The following ZNF525 variants were observed in gnomAD, a reference collection of about 807,000 sequenced individuals.
ZNF525 encodes the protein zinc finger protein 525.
In ZNF525, 33 loss-of-function variants were observed where a neutral mutation model predicts 37.6. The ratio of observed to expected loss-of-function variants is 0.88; its 90% confidence interval spans 0.67 to 1.17. The LOEUF is 1.17. ZNF525 is among the 50% of genes most tolerant of loss of function. The probability of loss-of-function intolerance (pLI) is 0.00; values close to 1 mark genes in which losing one functional copy is unlikely to be tolerated. For synonymous variants in ZNF525, 170 were observed against 182.3 expected (o/e 0.93, Z 0.54); for missense variants, 449 against 543.1 (o/e 0.83, Z 1.72).
At position 53,376,552 on chromosome 19, in the gene ZNF525, C is replaced by G. The variant is rs556297991; in HGVS notation, c.142+656C>G. The G allele has an allele frequency of 2.0e-4, 108 of 543,418 alleles. 1 individual carries two copies. The highest frequency in any genetic ancestry group is 1.9e-3 in the African/African-American group (98 of 51,274). The allele number at this position is 543,418 out of a possible 1,614,324, so 33.7% of individuals were successfully genotyped here. A position where few individuals can be genotyped will look rare whatever the true frequency, so the allele number is the denominator to read the frequency against. On this transcript the variant is annotated intron_variant, in intron 3 of 3. Transcript: ENST00000474037. ...GTTTAATTGCTTTTCTGTGTAGACA[C>G]GCTTTGACTCCTTTCTTCTTTACTT...
rs1380129306 is a variant in ZNF525 at position 53,383,016 on chromosome 19, G to A, written c.*997G>A. ...AATGAATGTGGCAAGGTTTTTAATC[G>A]CAAAGCAAAGCTTGCATGTCATCAT... On this transcript the variant is annotated 3_prime_UTR_variant, in exon 4 of 4. Transcript: ENST00000474037. The A allele has an allele frequency of 2.0e-5, 29 of 1,480,918 alleles. No homozygotes were observed. The highest frequency in any genetic ancestry group is 7.1e-5 in the East Asian group (3 of 42,396). 91.7% of individuals were successfully genotyped at this position (1,480,918 alleles called of 1,614,324 possible).
intron 3 of ZNF525, 30 bp downstream of exon 3, chr19:53,375,926 A>T: frequency 6.2e-7 from 1 of 1,612,768 alleles, no homozygotes; most frequent in Non-Finnish European, 8.5e-7. Context: ...AGAAGTGGGG[A>T]TGTGTCCTTT....
intron 3 of ZNF525, among the ~76,000 whole-genome samples, chr19:53,380,347 C>T (rs889886318): frequency 2.6e-5 from 4 of 152,042 alleles, no homozygotes; most frequent in African/African-American, 9.7e-5. Flanking sequence ...CATGAGCTTG[C>T]TGTGGATTAT....
In ZNF525 at chr19:53,382,089, T is replaced by C; in HGVS notation, c.*70T>C. Reference sequence around the variant, plus strand: ...TAAGTGTAATGATTGTGGCAAGATCTTCAGTCATACGTCATCCATTGTATA... The same window carrying C: ...TAAGTGTAATGATTGTGGCAAGATCCTCAGTCATACGTCATCCATTGTATA... On this transcript the variant is annotated 3_prime_UTR_variant, in exon 4 of 4. Transcript: ENST00000474037. 6.6e-7 allele frequency: 1 copy of C among 1,506,844 alleles called. No individual in the cohort carries two copies. The highest frequency in any genetic ancestry group is 9.1e-7 in the Non-Finnish European group (1 of 1,093,030). 93.3% of individuals were successfully genotyped at this position (1,506,844 alleles called of 1,614,324 possible).
At chr19:53,372,110 G>C (rs541830897) in intron 1 of ZNF525, 105 bp from the exon 2 acceptor site, 1 of 496,896 alleles carries the variant, frequency 2.0e-6, no homozygotes, top group Admixed American at 3.3e-5. Context: ...GGCAGTAGAG[G>C]GGACTGTATT....
chr19:53,369,776 G>A (rs1403478847), intron 1 of ZNF525, among the ~76,000 whole-genome samples: 2 of 122,470 alleles, frequency 1.6e-5, no homozygotes, highest in Non-Finnish European at 3.3e-5. Context: ...CCAGGCTGGA[G>A]TGCAGTGGCG....
intron 1 of ZNF525, among the ~76,000 whole-genome samples, chr19:53,366,095 C>T (rs1347154754): frequency 6.6e-6 from 1 of 152,208 alleles, no homozygotes; most frequent in African/African-American, 2.4e-5. Flanking sequence ...CGCCTCCCAG[C>T]CTCGCCCTCG....
chr19:53,365,996 C>T (rs990599104), intron 1 of ZNF525, among the ~76,000 whole-genome samples: 3 of 152,180 alleles, frequency 2.0e-5, no homozygotes, highest in African/African-American at 7.2e-5. Flanking sequence ...CTTTCTATCG[C>T]GTAGTTTTCC....
chr19:53,380,839 TC>T lies in ZNF525; in HGVS notation c.262del (p.Gln88ArgfsTer26), dbSNP rs1465692847. The T allele has an allele frequency of 1.4e-6, 2 of 1,446,708 alleles. No individual in the cohort carries two copies. The allele number at this position is 1,446,708 out of a possible 1,614,324, so 89.6% of individuals were successfully genotyped here. The stretch of plus-strand genomic sequence containing the variant: ...CGTCATCACATTGGAGATTTTTCCT[TC>T]CAGGAAATTGAGAAAGATATTCATA... The part of the protein sequence containing the change: ...HERHHIGDFS[F>X]QEIEKDIHNF... On this transcript the variant is annotated frameshift_variant, in exon 4 of 4. Transcript: ENST00000474037. LOFTEE classifies it high-confidence loss of function.
rs1222794059 is a variant in ZNF525, at chr19:53,381,816, T to C, written c.1237T>C (p.Cys413Arg). The C allele has an allele frequency of 1.9e-6, 2 of 1,056,704 alleles. No homozygotes were observed. Among genetic ancestry groups the C allele is most frequent in the Admixed American group, 3.4e-5 (2 of 59,318 alleles). The allele number at this position is 1,056,704 out of a possible 1,614,324, so 65.5% of individuals were successfully genotyped here. ...TCATACTGGAGAGAAACCTTACAAG[T>C]GTGAAGAATGTGATGAAGCTTTCCG... ...RLHTGEKPYK[C>R]EECDEAFRFK... Residue 413 changes from cysteine to arginine, a missense_variant, in exon 4 of 4, where the codon TGT becomes CGT. By Grantham distance (180) the Cys-to-Arg change is radical. Around this residue, in one of 2 missense-constraint regions of ZNF525, gnomAD observed 178 missense variants for 161.5 expected, o/e 1.10. Transcript: ENST00000474037.
intron 1 of ZNF525, among the ~76,000 whole-genome samples, chr19:53,368,766 G>T (rs1365025276): frequency 1.3e-5 from 2 of 152,144 alleles, no homozygotes; most frequent in African/African-American, 4.8e-5. Context: ...TGCTGGGTAG[G>T]TGTGTGTGGA....
chr19:53,374,590 C>A (rs1303650161), intron 2 of ZNF525, among the ~76,000 whole-genome samples: 1 of 152,140 alleles, frequency 6.6e-6, no homozygotes, highest in Admixed American at 6.5e-5. Flanking sequence ...CCAAAGTGTC[C>A]TTTTCCAGCA....
intron 3 of ZNF525, among the ~76,000 whole-genome samples, chr19:53,378,685 TC>T (rs1434523724): frequency 6.6e-6 from 1 of 152,162 alleles, no homozygotes; most frequent in Non-Finnish European, 1.5e-5. Flanking sequence ...CCAGCCATCT[TC>T]CTGCCATGTC....
At chr19:53,377,587 G>A (rs1186399293) in intron 3 of ZNF525, among the ~76,000 whole-genome samples, 1 of 146,806 alleles carries the variant, frequency 6.8e-6, no homozygotes, top group Non-Finnish European at 1.5e-5. Flanking sequence ...TGGAGTCTCG[G>A]TCTGTCACTC....
At position 53,382,900 on chromosome 19, in the gene ZNF525, C is replaced by G; in HGVS notation, c.*881C>G. On this transcript the variant is annotated 3_prime_UTR_variant, in exon 4 of 4. Transcript: ENST00000474037. ...GAATTCATACTAGAGAGAAACCTTA[C>G]AAGTGTAATGAGTGTGGTAAGATGT... The G allele has an allele frequency of 7.0e-7, 1 of 1,435,242 alleles. No individual in the cohort carries two copies. The highest frequency in any genetic ancestry group is 9.7e-7 in the Non-Finnish European group (1 of 1,025,820). The allele number at this position is 1,435,242 out of a possible 1,614,324, so 88.9% of individuals were successfully genotyped here. A position where few individuals can be genotyped will look rare whatever the true frequency, so the allele number is the denominator to read the frequency against.
At position 53,366,276 on chromosome 19, in the gene ZNF525, C is replaced by T. The variant is rs77631429; in HGVS notation, c.-68+517C>T. On this transcript the variant is annotated intron_variant, in intron 1 of 3. Transcript: ENST00000474037. Reference sequence around the variant, plus strand: ...GTCTCCCATCCGCAGTCACAGCTTGCCCTGAGCCTGCGTTAGGGGAGGTGC... The same window carrying T: ...GTCTCCCATCCGCAGTCACAGCTTGTCCTGAGCCTGCGTTAGGGGAGGTGC... 1.4e-3 allele frequency among the ~76,000 whole-genome samples: 162 copies of T among 113,574 alleles called. 46 individuals carry two copies. Among genetic ancestry groups the T allele is most frequent in the Non-Finnish European group, 2.5e-3 (113 of 44,320 alleles). 74.5% of individuals were successfully genotyped at this position (113,574 alleles called of 152,430 possible). A position where few individuals can be genotyped will look rare whatever the true frequency, so the allele number is the denominator to read the frequency against.
Position 53,384,512 on chromosome 19 carries a change from C to CTTT in ZNF525, c.*2496_*2498dup, listed in dbSNP as rs892177247. The CTTT allele has an allele frequency of 6.4e-6, 1 of 156,548 alleles. No individual in the cohort carries two copies. The highest frequency in any genetic ancestry group is 1.4e-5 in the Non-Finnish European group (1 of 69,904). The allele number at this position is 156,548 out of a possible 1,614,324, so 9.7% of individuals were successfully genotyped here. A position where few individuals can be genotyped will look rare whatever the true frequency, so the allele number is the denominator to read the frequency against. On this transcript the variant is annotated 3_prime_UTR_variant, in exon 4 of 4. Transcript: ENST00000474037. ...TGATTTCAAGGTACAAACGTCTCAC[C>CTTT]TTTTTACGTTTATTCCTAAGTATTT...
At chr19:53,378,724 A>C (rs1047232369) in intron 3 of ZNF525, among the ~76,000 whole-genome samples, 14 of 152,088 alleles carry the variant, frequency 9.2e-5, no homozygotes, top group African/African-American at 3.1e-4. Flanking sequence ...GGAACAGGCA[A>C]CGAGCTCTTT....
chr19:53,382,561 T>A lies in ZNF525; in HGVS notation c.*542T>A. ...ATAGACGTCATACTGGAGAGAAACC[T>A]TAGAAGTGCAATGAGTGTGGCAAAA... On this transcript the variant is annotated 3_prime_UTR_variant, in exon 4 of 4. Coordinates refer to ENST00000474037, the MANE Select transcript of ZNF525 (RefSeq NM_001348156.2). 1 of 664,114 alleles carries A rather than the reference T, an allele frequency of 1.5e-6. No individual in the cohort carries two copies. The highest frequency in any genetic ancestry group is 2.8e-6 in the Non-Finnish European group (1 of 355,356). The allele number at this position is 664,114 out of a possible 1,614,324, so 41.1% of individuals were successfully genotyped here.
Sources: gnomAD v4.1 joint callset for allele counts (sites outside exome capture counted in the v4.1 genomes callset) on GRCh38, gnomAD v4.1.1 for gene constraint, gnomAD v4.1.1 regional missense constraint, MANE v1.5 for transcripts, NCBI Gene and HGNC (gene_info 2026-07-23, HGNC 2026-07-21) for gene names.